The following ACTR2 variants were observed in gnomAD, a reference collection of about 807,000 sequenced individuals.
The protein encoded by ACTR2 is actin-related protein 2.
Under a neutral mutation model 50.2 loss-of-function variants are expected in ACTR2, and 5 were observed. That is an observed-to-expected ratio of 0.10 (90% CI 0.05 to 0.21). ACTR2 has a LOEUF of 0.21. Ranked by LOEUF, ACTR2 falls within the 10% of genes least tolerant of loss-of-function variation. The pLI, the probability that ACTR2 is intolerant of heterozygous loss-of-function variation, is 1.00. For missense variants in ACTR2, 180 were observed against 480.6 expected (o/e 0.37, Z 5.85); for synonymous variants, 140 against 162.9 (o/e 0.86, Z 1.07).
chr2:65,229,501 A>G (rs146135892), intron 1 of ACTR2, among the ~76,000 whole-genome samples: 2,141 of 152,260 alleles, frequency 0.014, 50 homozygotes, highest in African/African-American at 0.049. Context: ...CATGCCTGTA[A>G]TCCCAGCACT....
At chr2:65,231,045 C>A (rs1671628133) in intron 1 of ACTR2, among the ~76,000 whole-genome samples, 1 of 147,812 alleles carries the variant, frequency 6.8e-6, no homozygotes. Flanking sequence ...CAGAGTGAGA[C>A]TGTCACAAAA....
chr2:65,264,126 A>G (rs2104021525), intron 7 of ACTR2, among the ~76,000 whole-genome samples: 1 of 152,332 alleles, frequency 6.6e-6, no homozygotes. Context: ...GCGGAGTCAG[A>G]TTCAGTACCT....
intron 2 of ACTR2, chr2:65,242,567 G>T: frequency 2.2e-6 from 1 of 444,554 alleles, no homozygotes; most frequent in Non-Finnish European, 4.4e-6. Context: ...ATAAACCATA[G>T]ATAGAAAAAG....
intron 6 of ACTR2, among the ~76,000 whole-genome samples, chr2:65,258,016 C>T (rs890974075): frequency 2.6e-5 from 4 of 152,136 alleles, no homozygotes; most frequent in Admixed American, 2.6e-4. Flanking sequence ...GAAGTCTTTG[C>T]CCATGCCTAT....
At chr2:65,229,200 C>T (rs772098525) in intron 1 of ACTR2, among the ~76,000 whole-genome samples, 2 of 152,048 alleles carry the variant, frequency 1.3e-5, no homozygotes, top group Non-Finnish European at 2.9e-5. Flanking sequence ...TTCTGGATGA[C>T]TTCTATAGTG....
In ACTR2 at chr2:65,268,924, A is replaced by AAAG; in HGVS notation, c.*190_*191insAAG. 1.7e-6 allele frequency: 1 copy of AAAG among 572,074 alleles called. No homozygotes were observed. The highest frequency in any genetic ancestry group is 3.3e-5 in the Admixed American group (1 of 30,536). 35.4% of individuals were successfully genotyped at this position (572,074 alleles called of 1,614,324 possible). A position where few individuals can be genotyped will look rare whatever the true frequency, so the allele number is the denominator to read the frequency against. ...GTTAATGTGGGTAAATCTGAGTTTA[A>AAAG]TTCAACTGCTTCCCTACATAGACTA... is the stretch of plus-strand genomic sequence containing the variant. On this transcript the variant is annotated 3_prime_UTR_variant, in exon 9 of 9. Transcript: ENST00000260641.
At chr2:65,228,109 G>A in intron 1 of ACTR2, 152 bp downstream of exon 1, 1 of 623,848 alleles carries the variant, frequency 1.6e-6, no homozygotes, top group Non-Finnish European at 2.4e-6. Flanking sequence ...GCGTGGGAGC[G>A]AGCCGGCCGT....
rs1671849488 is a variant in ACTR2, at chr2:65,242,140, T to G, written c.159+2178T>G. The G allele has an allele frequency of 5.6e-6, 6 of 1,079,082 alleles. No homozygotes were observed. In the South Asian group the frequency reaches 8.0e-5, roughly 14 times the overall value. The allele number at this position is 1,079,082 out of a possible 1,614,324, so 66.8% of individuals were successfully genotyped here. A position where few individuals can be genotyped will look rare whatever the true frequency, so the allele number is the denominator to read the frequency against. ...GACAGTAGTTGTTGTTTTGTGTCCC[T>G]TTAGTATTGGGGAGGGGGGGTTATT... On this transcript the variant is annotated intron_variant, in intron 2 of 8. Coordinates refer to ENST00000260641, the MANE Select transcript of ACTR2 (RefSeq NM_005722.4).
intron 7 of ACTR2, among the ~76,000 whole-genome samples, chr2:65,263,007 T>C (rs193006991): frequency 1.2e-4 from 18 of 150,660 alleles, no homozygotes; most frequent in African/African-American, 4.1e-4. Context: ...AAAAAACATA[T>C]ATATATATAT....
intron 2 of ACTR2, among the ~76,000 whole-genome samples, chr2:65,241,209 T>G (rs1055210613): frequency 6.6e-6 from 1 of 152,156 alleles, no homozygotes; most frequent in Non-Finnish European, 1.5e-5. Flanking sequence ...CTAATAATAG[T>G]GATAAGGATA....
intron 6 of ACTR2, among the ~76,000 whole-genome samples, chr2:65,260,295 G>A (rs1672243640): frequency 6.6e-6 from 1 of 152,176 alleles, no homozygotes; most frequent in East Asian, 1.9e-4. Context: ...ATCACCTGAG[G>A]CCAGGAGTTC....
intron 1 of ACTR2, among the ~76,000 whole-genome samples, chr2:65,236,825 A>T (rs1671749780): frequency 6.6e-6 from 1 of 152,030 alleles, no homozygotes; most frequent in African/African-American, 2.4e-5. Context: ...CATGTGATTC[A>T]AGTGGTGTGC....
chr2:65,250,940 T>C, intron 3 of ACTR2, 87 bp from the exon 4 acceptor site: 1 of 848,444 alleles, frequency 1.2e-6, no homozygotes, highest in Non-Finnish European at 1.8e-6. Flanking sequence ...TTTGGGCAAT[T>C]AATTCACTCT....
Position 65,253,728 on chromosome 2 carries a change from G to T in ACTR2, c.449G>T (p.Gly150Val). The T allele has an allele frequency of 6.2e-7, 1 of 1,611,472 alleles. No individual in the cohort carries two copies. Among genetic ancestry groups the T allele is most frequent in the Non-Finnish European group, 8.5e-7 (1 of 1,179,194 alleles). The stretch of plus-strand genomic sequence containing the variant: ...TTAAATCCCCCTGGCTTTTATGCAG[G>T]TTTATTGACTGGTGTAGTGGTAGAC... ...IQAVLTLYAQ[G>V]LLTGVVVDSG... The change falls in exon 5 of 9, where the codon GGT becomes GTT. Residue 150 changes from glycine to valine, a missense_variant and splice_region_variant. Coordinates refer to ENST00000260641, the MANE Select transcript of ACTR2 (RefSeq NM_005722.4).
chr2:65,266,192 A>C (rs553467269), intron 8 of ACTR2, among the ~76,000 whole-genome samples: 1 of 152,338 alleles, frequency 6.6e-6, no homozygotes, highest in East Asian at 1.9e-4. Context: ...ATAATGTATT[A>C]GTGGTAATAA....
intron 4 of ACTR2, among the ~76,000 whole-genome samples, chr2:65,251,345 A>G (rs1457989207): frequency 6.6e-6 from 1 of 151,822 alleles, no homozygotes; most frequent in African/African-American, 2.4e-5. Context: ...AAAAAATAGG[A>G]TATTCTCTCT....
chr2:65,238,190 TAAA>T (rs1671774194), intron 1 of ACTR2, among the ~76,000 whole-genome samples: 1 of 151,862 alleles, frequency 6.6e-6, no homozygotes, highest in Admixed American at 6.6e-5. Context: ...TTTTTTAAAT[TAAA>T]AAAGTATTAA....
At chr2:65,241,022 A>G (rs1671832540) in intron 2 of ACTR2, among the ~76,000 whole-genome samples, 1 of 151,842 alleles carries the variant, frequency 6.6e-6, no homozygotes, top group South Asian at 2.1e-4. Flanking sequence ...TTCAGAGTTA[A>G]AGTAGCGAAT....
chr2:65,259,930 CAAGATTT>C (rs1672234095), intron 6 of ACTR2, among the ~76,000 whole-genome samples: 2 of 152,120 alleles, frequency 1.3e-5, no homozygotes, highest in South Asian at 4.2e-4. Flanking sequence ...GTGTGACTGA[CAAGATTT>C]TTTTGTACAA....
Sources: allele counts gnomAD v4.1 joint callset (sites outside exome capture counted in the v4.1 genomes callset), GRCh38; gene constraint gnomAD v4.1.1; transcripts MANE v1.5; gene names NCBI Gene and HGNC (gene_info 2026-07-23, HGNC 2026-07-21).